The following MAGI2 variants were observed in gnomAD, a reference collection of about 807,000 sequenced individuals.
The protein encoded by MAGI2 is membrane-associated guanylate kinase, WW and PDZ domain-containing protein 2.
Under a neutral mutation model 133.3 loss-of-function variants are expected in MAGI2, and 35 were observed. The ratio of observed to expected loss-of-function variants is 0.26; its 90% CI spans 0.20 to 0.35. The LOEUF (loss-of-function observed/expected upper bound fraction) is 0.35. MAGI2 is among the 10% of genes least tolerant of loss of function. MAGI2 has a pLI of 1.00. For synonymous variants in MAGI2, 729 were observed against 710.6 expected (o/e 1.03, Z -0.41); for missense variants, 1,636 against 1,863.4 (o/e 0.88, Z 2.25).
intron 2 of MAGI2, among the ~76,000 whole-genome samples, chr7:78,812,443 G>A (rs1376823000): frequency 2.0e-5 from 3 of 152,202 alleles, no homozygotes; most frequent in South Asian, 2.1e-4. Context: ...CAATGCACAC[G>A]TCTTCTGGCA....
At chr7:78,806,386 A>G (rs1185877802) in intron 2 of MAGI2, among the ~76,000 whole-genome samples, 1 of 152,200 alleles carries the variant, frequency 6.6e-6, no homozygotes, top group African/African-American at 2.4e-5. Flanking sequence ...AAAGTGTTCA[A>G]TTAATATCAG....
intron 6 of MAGI2, among the ~76,000 whole-genome samples, chr7:78,464,969 T>C (rs1790468740): frequency 1.3e-5 from 2 of 152,292 alleles, no homozygotes; most frequent in Non-Finnish European, 2.9e-5. Context: ...TCATAGTGCG[T>C]ATTATAACTA....
At chr7:78,409,728 A>G (rs1205821998) in intron 6 of MAGI2, among the ~76,000 whole-genome samples, 1 of 152,102 alleles carries the variant, frequency 6.6e-6, no homozygotes, top group Non-Finnish European at 1.5e-5. Context: ...AGTAGTGTGG[A>G]TATAGATGAG....
intron 20 of MAGI2, among the ~76,000 whole-genome samples, chr7:78,118,150 CA>C (rs879576107): frequency 9.2e-5 from 14 of 151,628 alleles, no homozygotes; most frequent in Admixed American, 2.6e-4. Flanking sequence ...CATCCACATG[CA>C]AAAAAAATGA....
At chr7:79,398,431 T>C (rs533151873) in intron 1 of MAGI2, among the ~76,000 whole-genome samples, 3 of 152,338 alleles carry the variant, frequency 2.0e-5, no homozygotes, top group South Asian at 2.1e-4. Flanking sequence ...GGGCTCAAGA[T>C]GTTTGTGAGA....
At chr7:78,725,684 A>G (rs983755578) in intron 2 of MAGI2, among the ~76,000 whole-genome samples, 1 of 152,222 alleles carries the variant, frequency 6.6e-6, no homozygotes, top group Non-Finnish European at 1.5e-5. Flanking sequence ...CTGTAGTCCC[A>G]GCTACTTGGG....
chr7:79,091,410 C>A (rs1817037083), intron 1 of MAGI2, among the ~76,000 whole-genome samples: 1 of 152,072 alleles, frequency 6.6e-6, no homozygotes, highest in Admixed American at 6.6e-5. Flanking sequence ...AAGATTTTAA[C>A]CATTGATGCA....
intron 3 of MAGI2, among the ~76,000 whole-genome samples, chr7:78,565,958 A>G (rs1800900482): frequency 6.6e-6 from 1 of 152,188 alleles, no homozygotes; most frequent in African/African-American, 2.4e-5. Flanking sequence ...CGGTTTAGTC[A>G]TCTGTAAAAT....
intron 9 of MAGI2, among the ~76,000 whole-genome samples, chr7:78,334,802 A>C (rs570897547): frequency 6.6e-6 from 1 of 152,330 alleles, no homozygotes; most frequent in African/African-American, 2.4e-5. Context: ...AAGGACTTTA[A>C]AATAGATAAA....
chr7:78,471,034 A>G (rs1196376708), intron 6 of MAGI2, among the ~76,000 whole-genome samples: 2 of 152,156 alleles, frequency 1.3e-5, no homozygotes, highest in Admixed American at 6.5e-5. Context: ...AGAATGAAAC[A>G]TTTATATTGT....
chr7:78,772,075 T>C (rs1452492486), intron 2 of MAGI2, among the ~76,000 whole-genome samples: 1 of 152,182 alleles, frequency 6.6e-6, no homozygotes, highest in Non-Finnish European at 1.5e-5. Flanking sequence ...TAACCTAGTA[T>C]AGTATTGAAG....
intron 10 of MAGI2, among the ~76,000 whole-genome samples, chr7:78,219,393 C>T (rs1033163161): frequency 1.3e-5 from 2 of 152,152 alleles, no homozygotes; most frequent in Admixed American, 1.3e-4. Flanking sequence ...GACAGCTTAC[C>T]AAGACAAAGG....
chr7:79,281,212 A>G (rs1299609773), intron 1 of MAGI2, among the ~76,000 whole-genome samples: 1 of 152,150 alleles, frequency 6.6e-6, no homozygotes, highest in African/African-American at 2.4e-5. Flanking sequence ...ATTTTCCAGA[A>G]AAGTAATTCT....
At chr7:79,398,260 A>G (rs1336157322) in intron 1 of MAGI2, among the ~76,000 whole-genome samples, 7 of 152,172 alleles carry the variant, frequency 4.6e-5, no homozygotes, top group Non-Finnish European at 1.0e-4. Flanking sequence ...ATCTATTTTT[A>G]CACCAAAATC....
intron 1 of MAGI2, among the ~76,000 whole-genome samples, chr7:79,049,225 A>T (rs560216486): frequency 2.0e-5 from 3 of 152,234 alleles, no homozygotes; most frequent in Non-Finnish European, 2.9e-5. Context: ...CTTAGTTCAA[A>T]TTGTGTATTG....
At chr7:79,369,479 G>C (rs1472463101) in intron 1 of MAGI2, among the ~76,000 whole-genome samples, 1 of 152,170 alleles carries the variant, frequency 6.6e-6, no homozygotes, top group Non-Finnish European at 1.5e-5. Context: ...GGAAAGCCCA[G>C]CTGAAGTCAG....
intron 9 of MAGI2, among the ~76,000 whole-genome samples, chr7:78,275,760 C>G (rs1795001595): frequency 6.6e-6 from 1 of 152,132 alleles, no homozygotes; most frequent in African/African-American, 2.4e-5. Context: ...AGTAATAGGA[C>G]TGGATATACC....
intron 10 of MAGI2, among the ~76,000 whole-genome samples, chr7:78,238,926 T>TC (rs1790840763): frequency 6.6e-6 from 1 of 152,192 alleles, no homozygotes; most frequent in African/African-American, 2.4e-5. Flanking sequence ...CTCTTGGACC[T>TC]CTTCTACCAT....
chr7:78,818,264 A>G (rs540449622), intron 2 of MAGI2, among the ~76,000 whole-genome samples: 1 of 152,242 alleles, frequency 6.6e-6, no homozygotes, highest in East Asian at 1.9e-4. Flanking sequence ...CTTCTGTTTG[A>G]AATTTTGTTT....
Sources: allele counts gnomAD v4.1 joint callset (sites outside exome capture counted in the v4.1 genomes callset), GRCh38; gene constraint gnomAD v4.1.1; transcripts MANE v1.5; gene names NCBI Gene and HGNC (gene_info 2026-07-23, HGNC 2026-07-21).